Variants in DMAP1 observed in about 807,000 individuals in gnomAD.
The protein encoded by DMAP1 is DNA methyltransferase 1 associated protein 1, also known as DNA methyltransferase 1-associated protein 1.
A neutral mutation model predicts 52.7 loss-of-function variants in DMAP1; 26 were observed. The observed-to-expected ratio is 0.49, with a 90% CI of 0.36 to 0.68. The LOEUF is 0.68. Ranked by LOEUF, DMAP1 falls within the 30% of genes least tolerant of loss-of-function variation. DMAP1 has a pLI of 0.00. For missense variants in DMAP1, 439 were observed against 625.2 expected (o/e 0.70, Z 3.18); for synonymous variants, 231 against 246.0 (o/e 0.94, Z 0.57).
At position 44,219,835 on chromosome 1, in the gene DMAP1, G is replaced by A. The variant is rs780703083; in HGVS notation, c.1008G>A (p.Lys336=). 1.9e-6 allele frequency: 3 copies of A among 1,614,086 alleles called. No individual in the cohort carries two copies. Among genetic ancestry groups the A allele is most frequent in the South Asian group, 1.1e-5 (1 of 91,076 alleles). The change falls in exon 8 of 10, where the codon AAG becomes AAA. Residue 336 remains lysine (K), a synonymous_variant. Transcript: ENST00000372289. ...RMKLPSSVGQ[K]KIKALEQMLL... is the part of the protein sequence containing the mutation. ...AGCTGCCAAGCTCTGTGGGACAGAA[G>A]AAGATCAAGGCCCTGGAACAGATGC...
Position 44,218,854 on chromosome 1 carries a change from C to T in DMAP1, c.720+99C>T. 6.7e-7 allele frequency: 1 copy of T among 1,497,108 alleles called. No individual in the cohort carries two copies. The highest frequency in any genetic ancestry group is 2.1e-5 in the Admixed American group (1 of 48,462). The allele number at this position is 1,497,108 out of a possible 1,614,324, so 92.7% of individuals were successfully genotyped here. A position where few individuals can be genotyped will look rare whatever the true frequency, so the allele number is the denominator to read the frequency against. On this transcript the variant is annotated intron_variant, in intron 5 of 9. Coordinates refer to ENST00000372289, the MANE Select transcript of DMAP1 (RefSeq NM_019100.5). The surrounding 1 kb of genome is among the most constrained non-coding windows in gnomAD (Gnocchi z 5.6). ...AACTCCCACTCCCAGGTCCCCCTGC[C>T]TCCCACTGATACCTTATTAACTGCC...
At chr1:44,214,259 A>T in intron 1 of DMAP1, 91 bp from the exon 2 acceptor site, 2 of 1,196,400 alleles carry the variant, frequency 1.7e-6, no homozygotes, top group Non-Finnish European at 2.5e-6. Flanking sequence ...TTGACCCTGT[A>T]GGTGCTGCTT....
chr1:44,214,253 C>A, intron 1 of DMAP1, 97 bp from the exon 2 acceptor site: 1 of 1,149,356 alleles, frequency 8.7e-7, no homozygotes, highest in Non-Finnish European at 1.3e-6. Flanking sequence ...CTGTCATTGA[C>A]CCTGTAGGTG....
chr1:44,218,755 G>A lies in DMAP1; in HGVS notation c.720G>A (p.Gln240=). The A allele has an allele frequency of 6.2e-7, 1 of 1,602,424 alleles. No individual in the cohort carries two copies. The highest frequency in any genetic ancestry group is 2.2e-5 in the East Asian group (1 of 44,646). Residue 240 remains glutamine, a splice_region_variant and synonymous_variant, in exon 5 of 10, where the codon CAG becomes CAA. Coordinates refer to ENST00000372289, the MANE Select transcript of DMAP1 (RefSeq NM_019100.5). The surrounding 1 kb of genome is among the most constrained non-coding windows in gnomAD (Gnocchi z 5.6). The stretch of plus-strand genomic sequence containing the variant: ...GTCTCTACAACCGGACCCCAGAGCA[G>A]GTAAGCCCAAGGCCACATACCTGTC... ...LERLYNRTPE[Q]VAEEEYLLQE...
chr1:44,213,964 C>T lies in DMAP1; in HGVS notation c.105+106C>T. On this transcript the variant is annotated intron_variant, in intron 1 of 9. Coordinates refer to ENST00000372289, the MANE Select transcript of DMAP1 (RefSeq NM_019100.5). The surrounding 1 kb of genome is among the most constrained non-coding windows in gnomAD (Gnocchi z 4.5). ...GGTGCTACACTTACAGTGAGTTGGG[C>T]GATAAAAGGGGTGACATAACAGGAC... 9.8e-7 allele frequency: 1 copy of T among 1,018,840 alleles called. No homozygotes were observed. The highest frequency in any genetic ancestry group is 1.5e-6 in the Non-Finnish European group (1 of 679,716). The allele number at this position is 1,018,840 out of a possible 1,614,324, so 63.1% of individuals were successfully genotyped here. A position where few individuals can be genotyped will look rare whatever the true frequency, so the allele number is the denominator to read the frequency against.
In DMAP1 at chr1:44,219,249, G is replaced by A. The variant is rs752794783; in HGVS notation, c.906+8G>A. The stretch of plus-strand genomic sequence containing the variant: ...AAGGAGGCTGAGAAGCCGGTGCGGA[G>A]GTTCCGCCAGCCTAGCTCAGGGTGG... On this transcript the variant is annotated splice_region_variant and intron_variant, in intron 6 of 9. Transcript: ENST00000372289. 6.2e-7 allele frequency: 1 copy of A among 1,611,518 alleles called. No individual in the cohort carries two copies. Among genetic ancestry groups the A allele is most frequent in the Admixed American group, 1.7e-5 (1 of 59,586 alleles).
At position 44,214,446 on chromosome 1, in the gene DMAP1, G is replaced by C; in HGVS notation, c.197+5G>C. ...CTTGCTCTACTCTGACAAGAAGCAA[G>C]TATTGGAGTCCCAAGTCCCCCAGGT... On this transcript the variant is annotated splice_donor_5th_base_variant and intron_variant, in intron 2 of 9. Transcript: ENST00000372289. The C allele has an allele frequency of 6.2e-7, 1 of 1,614,136 alleles. No homozygotes were observed. The highest frequency in any genetic ancestry group is 8.5e-7 in the Non-Finnish European group (1 of 1,180,006).
intron 3 of DMAP1, chr1:44,215,161 T>C: frequency 1.6e-6 from 1 of 608,322 alleles, no homozygotes; most frequent in South Asian, 1.5e-5. Flanking sequence ...CAGAGCTGTA[T>C]CCTAGGTGCT....
chr1:44,215,049 G>A, intron 3 of DMAP1, 151 bp downstream of exon 3: 1 of 853,890 alleles, frequency 1.2e-6, no homozygotes. Context: ...TGCATGCAGA[G>A]TAGGACTCTG....
At position 44,218,910 on chromosome 1, in the gene DMAP1, C is replaced by T. The variant is rs543094660; in HGVS notation, c.721-146C>T. 5.8e-6 allele frequency: 8 copies of T among 1,388,034 alleles called. No individual in the cohort carries two copies. The highest frequency in any genetic ancestry group is 2.0e-4 in the Middle Eastern group (1 of 5,074). 86.0% of individuals were successfully genotyped at this position (1,388,034 alleles called of 1,614,324 possible). A position where few individuals can be genotyped will look rare whatever the true frequency, so the allele number is the denominator to read the frequency against. ...CCCATTCCTACTTCTCATGGGCCAT[C>T]CCCCCTGCTTTTCATAGCCCTTCAC... On this transcript the variant is annotated intron_variant, in intron 5 of 9. Transcript: ENST00000372289. The surrounding 1 kb of genome is among the most constrained non-coding windows in gnomAD (Gnocchi z 5.6).
intron 3 of DMAP1, chr1:44,215,339 CTCA>C (rs953481630): frequency 6.6e-6 from 3 of 456,602 alleles, no homozygotes; most frequent in African/African-American, 2.0e-5. Context: ...CTGAACAGAG[CTCA>C]TCATCTTCCC....
At position 44,218,143 on chromosome 1, in the gene DMAP1, T is replaced by C. The variant is rs72686056; in HGVS notation, c.394-168T>C. On this transcript the variant is annotated intron_variant, in intron 3 of 9. Transcript: ENST00000372289. The surrounding 1 kb of genome is among the most constrained non-coding windows in gnomAD (Gnocchi z 5.6). The stretch of plus-strand genomic sequence containing the variant: ...AGAGGCAGGCTACAGTCCCAAACCC[T>C]GCTAGGACCTCTAGTCAAGCAGACA... 6.2e-3 allele frequency: 5,434 copies of C among 882,398 alleles called. 23 individuals carry two copies. Among genetic ancestry groups the C allele is most frequent in the Non-Finnish European group, 9.0e-3 (4,778 of 533,462 alleles). 54.7% of individuals were successfully genotyped at this position (882,398 alleles called of 1,614,324 possible).
At chr1:44,216,932 G>C (rs1643805612) in intron 3 of DMAP1, 2 of 152,356 alleles carry the variant, frequency 1.3e-5, no homozygotes, top group African/African-American at 4.8e-5. Context: ...TTATCTAGAA[G>C]ATGCTTTATC....
intron 3 of DMAP1, chr1:44,217,393 G>A (rs1481306651): frequency 1.3e-5 from 2 of 152,286 alleles, no homozygotes; most frequent in African/African-American, 4.8e-5. Context: ...TGGGTAGGCC[G>A]ACGGAGAAGT....
rs753373766 is a variant in DMAP1 at position 44,220,087 on chromosome 1, C to A, written c.1122C>A (p.Leu374=). The change falls in exon 9 of 10, where the codon CTC becomes CTA. Residue 374 remains leucine (L), a synonymous_variant. Coordinates refer to ENST00000372289, the MANE Select transcript of DMAP1 (RefSeq NM_019100.5). ...AGCTGCGAAGCGACCTGGTGCTGCTCTACGAGCTCAAGCAGGCCTGTGCCA... is the reference window on the plus strand; with the variant it reads ...AGCTGCGAAGCGACCTGGTGCTGCTATACGAGCTCAAGCAGGCCTGTGCCA... The part of the protein sequence containing the change: ...FNELRSDLVL[L]YELKQACANC... 3.1e-6 allele frequency: 5 copies of A among 1,610,932 alleles called. No homozygotes were observed. Among genetic ancestry groups the A allele is most frequent in the Non-Finnish European group, 4.2e-6 (5 of 1,178,028 alleles).
At chr1:44,214,505 T>G in intron 2 of DMAP1, 64 bp downstream of exon 2, 1 of 1,613,402 alleles carries the variant, frequency 6.2e-7, no homozygotes, top group Non-Finnish European at 8.5e-7. Context: ...TGCCCCTAAC[T>G]CCTAGTTTTC....
chr1:44,215,524 G>A (rs529028745), intron 3 of DMAP1: 1 of 334,310 alleles, frequency 3.0e-6, no homozygotes, highest in Non-Finnish European at 5.9e-6. Context: ...CAACAAACAT[G>A]TAAGGAAATA....
Position 44,220,315 on chromosome 1 carries a change from A to G in DMAP1, c.1344+6A>G. The G allele has an allele frequency of 6.5e-7, 1 of 1,540,310 alleles. No individual in the cohort carries two copies. Among genetic ancestry groups the G allele is most frequent in the Non-Finnish European group, 8.8e-7 (1 of 1,140,100 alleles). On this transcript the variant is annotated splice_donor_region_variant and intron_variant, in intron 9 of 9. Coordinates refer to ENST00000372289, the MANE Select transcript of DMAP1 (RefSeq NM_019100.5). ...CACCCCTCACGCCCAATTCGGTAAG[A>G]GTCTGGACAGGCTGGGAGGCACGCC...
chr1:44,214,861 A>C lies in DMAP1; in HGVS notation c.356A>C (p.Glu119Ala). ...AMFFHWRRAA[E>A]EGKDYPFARF... The stretch of plus-strand genomic sequence containing the variant: ...TTCTTCCACTGGCGACGTGCAGCGG[A>C]GGAGGGCAAGGACTACCCCTTTGCC... The change falls in exon 3 of 10, where the codon GAG becomes GCG. Residue 119 changes from glutamate (E) to alanine (A), a missense_variant. By Grantham distance (107) the Glu-to-Ala change is moderately radical. This residue lies in a region of DMAP1 where 118 missense variants were observed against 189.8 expected (regional missense o/e 0.62). Transcript: ENST00000372289. 1 of 1,614,202 alleles carries C rather than the reference A, an allele frequency of 6.2e-7. No homozygotes were observed. The highest frequency in any genetic ancestry group is 1.1e-5 in the South Asian group (1 of 91,084).
Sources: allele counts gnomAD v4.1 joint callset, GRCh38; gene constraint gnomAD v4.1.1; regional missense constraint gnomAD v4.1.1; non-coding constraint Gnocchi (gnomAD v3.1); transcripts MANE v1.5; gene names NCBI Gene and HGNC (gene_info 2026-07-23, HGNC 2026-07-21).